MTERF2: variants seen among roughly 807,000 people sequenced by gnomAD.
MTERF2 encodes the protein mitochondrial transcription termination factor 2.
Under a neutral mutation model 29.2 loss-of-function variants are expected in MTERF2, and 23 were observed. The observed-to-expected ratio is 0.79, with a 90% confidence interval of 0.57 to 1.12. The LOEUF (loss-of-function observed/expected upper bound fraction) is 1.12, where lower values mean the gene tolerates loss of function less well. MTERF2 is among the 50% of genes most tolerant of loss of function. The probability of loss-of-function intolerance (pLI) is 0.00; values close to 1 mark genes in which losing one functional copy is unlikely to be tolerated. For missense variants in MTERF2, 440 were observed against 429.4 expected (o/e 1.02, Z -0.22); for synonymous variants, 157 against 159.5 (o/e 0.98, Z 0.12).
chr12:106,979,574 T>C (rs1328562236), intron 2 of MTERF2, among the ~76,000 whole-genome samples: 2 of 152,172 alleles, frequency 1.3e-5, no homozygotes, highest in African/African-American at 4.8e-5. Flanking sequence ...ACCCCATCTC[T>C]ACTAAACATA....
chr12:106,980,104 G>C (rs1262346972), intron 2 of MTERF2, among the ~76,000 whole-genome samples: 1 of 152,022 alleles, frequency 6.6e-6, no homozygotes, highest in Non-Finnish European at 1.5e-5. Context: ...CACCATGTTG[G>C]CCAGGATGGT....
intron 2 of MTERF2, among the ~76,000 whole-genome samples, chr12:106,979,561 G>A (rs1321022278): frequency 6.6e-6 from 1 of 152,156 alleles, no homozygotes; most frequent in African/African-American, 2.4e-5. Flanking sequence ...CCAACATGGT[G>A]AAACCCCATC....
intron 2 of MTERF2, among the ~76,000 whole-genome samples, chr12:106,982,351 C>T (rs76303072): frequency 0.019 from 2,875 of 152,264 alleles, 96 homozygotes; most frequent in African/African-American, 0.066. Context: ...TTGAAAATCT[C>T]TTATGCAGAC....
Position 106,978,149 on chromosome 12 carries a change from C to G in MTERF2, c.566G>C (p.Arg189Thr). The G allele has an allele frequency of 1.2e-6, 2 of 1,614,100 alleles. No homozygotes were observed. Among genetic ancestry groups the G allele is most frequent in the Non-Finnish European group, 1.7e-6 (2 of 1,180,012 alleles). Residue 189 changes from arginine (R) to threonine (T), a missense_variant, in exon 3 of 3, where the codon AGA (arginine) becomes ACA (threonine). Transcript: ENST00000240050. The part of the protein sequence containing the change: ...NPVEKNKQMV[R>T]ILQESYLDVG... ...ATCTAGATAACTCTCTTGGAGAATTCTTACCATTTGCTTATTCTTCTCAAC... is the reference window on the plus strand; with the variant it reads ...ATCTAGATAACTCTCTTGGAGAATTGTTACCATTTGCTTATTCTTCTCAAC...
intron 2 of MTERF2, among the ~76,000 whole-genome samples, chr12:106,980,279 A>T (rs1952040720): frequency 6.6e-6 from 1 of 152,190 alleles, no homozygotes; most frequent in Admixed American, 6.5e-5. Flanking sequence ...AGAGTCAGTT[A>T]TTTATGTACT....
Position 106,987,030 on chromosome 12 carries a change from T to C in MTERF2, c.-230A>G. ...CCGGGGGCCAGGCCCCGTCCTTCCC[T>C]CTCTCTCCGGCCAGCCTCCCCACAG... is the stretch of plus-strand genomic sequence containing the variant. On this transcript the variant is annotated 5_prime_UTR_variant, in exon 1 of 3. Coordinates refer to ENST00000240050, the MANE Select transcript of MTERF2 (RefSeq NM_001033050.3). 1 of 152,596 alleles carries C rather than the reference T, an allele frequency of 6.6e-6. No homozygotes were observed. The highest frequency in any genetic ancestry group is 1.5e-5 in the Non-Finnish European group (1 of 68,280). 9.5% of individuals were successfully genotyped at this position (152,596 alleles called of 1,614,324 possible).
chr12:106,986,906 C>T (rs928016059), intron 1 of MTERF2, 63 bp downstream of exon 1: 6 of 152,320 alleles, frequency 3.9e-5, no homozygotes, highest in Non-Finnish European at 7.3e-5. Context: ...TTTTGCGGGC[C>T]CTGACCGCTG....
intron 2 of MTERF2, among the ~76,000 whole-genome samples, chr12:106,980,411 G>T (rs1952041882): frequency 6.6e-6 from 1 of 152,192 alleles, no homozygotes; most frequent in Non-Finnish European, 1.5e-5. Flanking sequence ...TCATCCTTGA[G>T]GTTAAGGATG....
rs1951994686 is a variant in MTERF2, at chr12:106,977,399, A to AC, written c.*157dup. The AC allele has an allele frequency of 2.4e-6, 1 of 424,082 alleles. No homozygotes were observed. The highest frequency in any genetic ancestry group is 3.8e-6 in the Non-Finnish European group (1 of 266,166). 26.3% of individuals were successfully genotyped at this position (424,082 alleles called of 1,614,324 possible). On this transcript the variant is annotated 3_prime_UTR_variant, in exon 3 of 3. Transcript: ENST00000240050. ...TATGATTTATATTTTATAATATGGC[A>AC]CATGAGTCAGAATTTATCTATTTAG...
Position 106,978,034 on chromosome 12 carries a change from T to C in MTERF2, c.681A>G (p.Ile227Met), listed in dbSNP as rs1952007905. Residue 227 changes from isoleucine (I) to methionine (M), a missense_variant, in exon 3 of 3, where the codon ATA (isoleucine) becomes ATG (methionine). Coordinates refer to ENST00000240050, the MANE Select transcript of MTERF2 (RefSeq NM_001033050.3). ...PFILLNSPTA[I>M]KETLEFLQEQ... ...CCTGGAGAAATTCTAGTGTTTCCTT[T>C]ATAGCTGTGGGAGAATTTAACAAAA... 1.2e-6 allele frequency: 2 copies of C among 1,614,024 alleles called. No individual in the cohort carries two copies. The highest frequency in any genetic ancestry group is 3.3e-5 in the Admixed American group (2 of 60,002).
chr12:106,978,600 T>A lies in MTERF2; in HGVS notation c.115A>T (p.Lys39Ter), dbSNP rs767853746. 6.2e-7 allele frequency: 1 copy of A among 1,614,226 alleles called. No individual in the cohort carries two copies. The highest frequency in any genetic ancestry group is 8.5e-7 in the Non-Finnish European group (1 of 1,180,032). ...FLACFTYTTDKQSSKENTRTV... is the reference protein window; with the variant it reads ...FLACFTYTTD ...CTTGTATTTTCTTTGCTCGACTGTT[T>A]ATCAGTTGTATAGGTGAAGCATGCT... The change falls in exon 3 of 3, where the codon AAA (lysine) becomes TAA (stop). Residue 39 changes from lysine to a stop codon, truncating the protein, a stop_gained. Transcript: ENST00000240050. LOFTEE classifies it high-confidence loss of function.
intron 2 of MTERF2, among the ~76,000 whole-genome samples, chr12:106,982,231 G>C (rs1593481142): frequency 2.0e-5 from 3 of 152,230 alleles, no homozygotes; most frequent in African/African-American, 7.2e-5. Flanking sequence ...TGCTGGACTT[G>C]CTGAAAGATA....
At chr12:106,986,043 T>C (rs1430215652) in intron 1 of MTERF2, 3 of 152,184 alleles carry the variant, frequency 2.0e-5, no homozygotes, top group African/African-American at 4.8e-5. Flanking sequence ...TTTACAAGCG[T>C]TGGGAAGGCA....
chr12:106,985,467 T>C (rs771247351), intron 1 of MTERF2: 2 of 152,316 alleles, frequency 1.3e-5, no homozygotes, highest in Non-Finnish European at 2.9e-5. Context: ...AAGTGTCACT[T>C]TCTCAAGGAA....
intron 2 of MTERF2, among the ~76,000 whole-genome samples, chr12:106,981,437 G>T (rs1178809878): frequency 6.6e-6 from 1 of 152,226 alleles, no homozygotes; most frequent in Non-Finnish European, 1.5e-5. Flanking sequence ...AAGTCTTGTA[G>T]TAGTATGACT....
intron 1 of MTERF2, chr12:106,985,744 G>A (rs775272694): frequency 1.3e-5 from 2 of 152,300 alleles, no homozygotes; most frequent in Admixed American, 6.5e-5. Context: ...ACCCTGCTCC[G>A]GACGCTACTG....
At chr12:106,983,355 T>C (rs985713963) in intron 2 of MTERF2, among the ~76,000 whole-genome samples, 2 of 152,244 alleles carry the variant, frequency 1.3e-5, no homozygotes, top group African/African-American at 4.8e-5. Context: ...TTTTACTTTC[T>C]GTCTCTATGA....
chr12:106,982,411 T>G (rs143386682), intron 2 of MTERF2, among the ~76,000 whole-genome samples: 2,293 of 152,290 alleles, frequency 0.015, 28 homozygotes, highest in Non-Finnish European at 0.024. Flanking sequence ...TTCAGATGAG[T>G]CGTCTTTACT....
Position 106,977,826 on chromosome 12 carries a change from G to GA in MTERF2, c.888dup (p.Pro297SerfsTer28). The stretch of plus-strand genomic sequence containing the variant: ...CCTTGCATTCTCTCTTCTAAAACTG[G>GA]AACAGAATAATATAAAAGGGCAGGA... On this transcript the variant is annotated frameshift_variant, in exon 3 of 3. Transcript: ENST00000240050. LOFTEE classifies it high-confidence loss of function. 6.2e-7 allele frequency: 1 copy of GA among 1,613,814 alleles called. No homozygotes were observed. Among genetic ancestry groups the GA allele is most frequent in the Non-Finnish European group, 8.5e-7 (1 of 1,179,994 alleles).
Sources: gnomAD v4.1 joint callset for allele counts (sites outside exome capture counted in the v4.1 genomes callset) on GRCh38, gnomAD v4.1.1 for gene constraint, MANE v1.5 for transcripts, NCBI Gene and HGNC (gene_info 2026-07-23, HGNC 2026-07-21) for gene names.